ERBB4: variants seen among roughly 807,000 people sequenced by gnomAD.
The protein encoded by ERBB4 is receptor tyrosine-protein kinase erbB-4.
A neutral mutation model predicts 158.0 loss-of-function variants in ERBB4; 42 were observed. The ratio of observed to expected loss-of-function variants is 0.27; its 90% CI spans 0.21 to 0.34. The LOEUF is 0.34. Ranked by LOEUF, ERBB4 falls within the 10% of genes least tolerant of loss-of-function variation. The pLI is 1.00. For missense variants in ERBB4, 1,333 were observed against 1,624.1 expected (o/e 0.82, Z 3.08); for synonymous variants, 583 against 558.7 (o/e 1.04, Z -0.61).
At chr2:211,815,054 C>A (rs974154216) in intron 3 of ERBB4, among the ~76,000 whole-genome samples, 1 of 152,122 alleles carries the variant, frequency 6.6e-6, no homozygotes, top group East Asian at 1.9e-4. Context: ...CAAAAGGCTT[C>A]TCGCATGGGG....
rs370411092 is a variant in ERBB4 at position 211,812,351 on chromosome 2, G to T, written c.422-24192C>A. Among the ~76,000 whole-genome samples the T allele has an allele frequency of 5.3e-4, 81 of 152,314 alleles. 3 individuals carry two copies. In the South Asian group the frequency reaches 0.017, roughly 31 times the overall value. On this transcript the variant is annotated intron_variant, in intron 3 of 27. Coordinates refer to ENST00000342788, the MANE Select transcript of ERBB4 (RefSeq NM_005235.3). Reference sequence around the variant, plus strand: ...GTTTGGCTGGGTATCACCAGCGGAGGCTGCGGAACAGCAAATATTGCAGAA... The same window carrying T: ...GTTTGGCTGGGTATCACCAGCGGAGTCTGCGGAACAGCAAATATTGCAGAA...
chr2:212,265,731 C>T (rs1402143897), intron 1 of ERBB4, among the ~76,000 whole-genome samples: 1 of 152,058 alleles, frequency 6.6e-6, no homozygotes, highest in Non-Finnish European at 1.5e-5. Flanking sequence ...TACAATAAAA[C>T]CCTTCTCTGC....
intron 20 of ERBB4, among the ~76,000 whole-genome samples, chr2:211,462,315 C>T (rs2125504616): frequency 6.6e-6 from 1 of 152,172 alleles, no homozygotes; most frequent in East Asian, 1.9e-4. Context: ...TCCCACCAGG[C>T]CCCACTTCCA....
intron 1 of ERBB4, among the ~76,000 whole-genome samples, chr2:212,446,314 G>C (rs2092347301): frequency 6.6e-6 from 1 of 151,074 alleles, no homozygotes; most frequent in Non-Finnish European, 1.5e-5. Context: ...CACTGGGCTG[G>C]GGAAGGCAGA....
At chr2:211,569,668 T>C (rs2067656290) in intron 19 of ERBB4, among the ~76,000 whole-genome samples, 1 of 152,178 alleles carries the variant, frequency 6.6e-6, no homozygotes, top group African/African-American at 2.4e-5. Context: ...GGAAAGAGCA[T>C]TCAAGGAAAA....
At chr2:212,131,285 G>A (rs73987241) in intron 1 of ERBB4, among the ~76,000 whole-genome samples, 3,505 of 152,036 alleles carry the variant, frequency 0.023, 133 homozygotes, top group African/African-American at 0.08. Flanking sequence ...TAATTAATTC[G>A]CAACCCAGAG....
At chr2:212,497,555 G>T (rs185880095) in intron 1 of ERBB4, among the ~76,000 whole-genome samples, 1 of 152,124 alleles carries the variant, frequency 6.6e-6, no homozygotes, top group African/African-American at 2.4e-5. Flanking sequence ...TGTTAATGAT[G>T]TAAGTTCTCT....
At chr2:211,798,213 G>A (rs2076424876) in intron 3 of ERBB4, among the ~76,000 whole-genome samples, 1 of 151,910 alleles carries the variant, frequency 6.6e-6, no homozygotes, top group African/African-American at 2.4e-5. Flanking sequence ...CAACAAATTA[G>A]TTTTGCCTCT....
At chr2:212,117,617 G>A (rs2079609181) in intron 2 of ERBB4, among the ~76,000 whole-genome samples, 1 of 152,108 alleles carries the variant, frequency 6.6e-6, no homozygotes, top group Non-Finnish European at 1.5e-5. Flanking sequence ...TTGTATAGTA[G>A]GAACTATACA....
intron 20 of ERBB4, among the ~76,000 whole-genome samples, chr2:211,457,634 C>T (rs2064416010): frequency 6.6e-6 from 1 of 152,112 alleles, no homozygotes; most frequent in South Asian, 2.1e-4. Context: ...AGATGAGGGT[C>T]GTGGAGGAAG....
intron 1 of ERBB4, among the ~76,000 whole-genome samples, chr2:212,535,776 A>G (rs573795409): frequency 1.3e-5 from 2 of 152,260 alleles, no homozygotes; most frequent in East Asian, 1.9e-4. Flanking sequence ...CATCCTCTCT[A>G]ATGCTGAATT....
chr2:212,053,803 G>A (rs934773802), intron 2 of ERBB4, among the ~76,000 whole-genome samples: 24 of 152,068 alleles, frequency 1.6e-4, no homozygotes, highest in Non-Finnish European at 1.0e-4. Flanking sequence ...TAAATCTTAC[G>A]CATATTCAGG....
At chr2:211,433,360 T>C (rs1057285652) in intron 20 of ERBB4, among the ~76,000 whole-genome samples, 2 of 151,812 alleles carry the variant, frequency 1.3e-5, no homozygotes, top group Non-Finnish European at 2.9e-5. Context: ...GGTGGGTGGA[T>C]CACGAGGTCA....
intron 1 of ERBB4, among the ~76,000 whole-genome samples, chr2:212,437,229 G>C (rs752632837): frequency 5.9e-5 from 9 of 151,926 alleles, no homozygotes; most frequent in Non-Finnish European, 1.2e-4. Flanking sequence ...AAAATACAGA[G>C]AGATTACTAA....
chr2:211,437,645 C>T (rs185947172), intron 20 of ERBB4, among the ~76,000 whole-genome samples: 132 of 152,218 alleles, frequency 8.7e-4, no homozygotes, highest in African/African-American at 2.3e-3. Flanking sequence ...ATTGGCCATG[C>T]GACAATTTCA....
chr2:212,426,744 T>C (rs1443179160), intron 1 of ERBB4, among the ~76,000 whole-genome samples: 1 of 151,984 alleles, frequency 6.6e-6, no homozygotes, highest in Non-Finnish European at 1.5e-5. Context: ...ATTTTAAAAA[T>C]AACCATTACA....
At chr2:212,130,467 A>G (rs1412572884) in intron 1 of ERBB4, among the ~76,000 whole-genome samples, 3 of 152,146 alleles carry the variant, frequency 2.0e-5, no homozygotes, top group Non-Finnish European at 4.4e-5. Flanking sequence ...GCAACATAAA[A>G]AGGTTGGTTA....
At chr2:211,933,748 C>A (rs370710552) in intron 3 of ERBB4, among the ~76,000 whole-genome samples, 1 of 151,924 alleles carries the variant, frequency 6.6e-6, no homozygotes, top group Non-Finnish European at 1.5e-5. Context: ...GACTCAGTTT[C>A]GAAATGAGAG....
intron 2 of ERBB4, among the ~76,000 whole-genome samples, chr2:212,047,127 T>C (rs1420003124): frequency 6.6e-6 from 1 of 152,178 alleles, no homozygotes; most frequent in Non-Finnish European, 1.5e-5. Context: ...GCATATTATA[T>C]ATTGTTGTCC....
Sources: gnomAD v4.1 joint callset for allele counts (sites outside exome capture counted in the v4.1 genomes callset) on GRCh38, gnomAD v4.1.1 for gene constraint, MANE v1.5 for transcripts, NCBI Gene and HGNC (gene_info 2026-07-23, HGNC 2026-07-21) for gene names.